ZFHX3: variants seen among roughly 807,000 people sequenced by gnomAD.
ZFHX3 encodes zinc finger homeobox 3, also known as zinc finger homeobox protein 3.
Under a neutral mutation model 279.1 loss-of-function variants are expected in ZFHX3, and 42 were observed. The observed-to-expected ratio is 0.15, with a 90% CI of 0.12 to 0.19. ZFHX3 has a LOEUF of 0.19. ZFHX3 is among the 10% of genes least tolerant of loss of function. The pLI is 1.00. For missense variants in ZFHX3, 4,981 were observed against 4,754.0 expected (o/e 1.05, Z -1.40); for synonymous variants, 2,293 against 1,957.8 (o/e 1.17, Z -4.52).
At chr16:73,514,909 C>G (rs1474656689) in intron 2 of ZFHX3, among the ~76,000 whole-genome samples, 1 of 152,248 alleles carries the variant, frequency 6.6e-6, no homozygotes. Context: ...CCCATCTTTT[C>G]CTCTCTCTCC....
At chr16:72,950,290 T>C (rs973816926) in intron 3 of ZFHX3, among the ~76,000 whole-genome samples, 179 bp downstream of exon 3, 1 of 152,094 alleles carries the variant, frequency 6.6e-6, no homozygotes, top group Non-Finnish European at 1.5e-5. Context: ...ACCTGTCACG[T>C]TTCCACCTGG....
At chr16:73,547,778 G>T (rs2020145401) in intron 2 of ZFHX3, among the ~76,000 whole-genome samples, 1 of 152,184 alleles carries the variant, frequency 6.6e-6, no homozygotes, top group African/African-American at 2.4e-5. Flanking sequence ...TCCCAGCTGT[G>T]CGCCTTCCTC....
At chr16:72,883,496 G>A (rs1266404583) in intron 4 of ZFHX3, among the ~76,000 whole-genome samples, 1 of 152,104 alleles carries the variant, frequency 6.6e-6, no homozygotes, top group African/African-American at 2.4e-5. Flanking sequence ...AACAGCCAGA[G>A]ACACCAGTCA....
intron 1 of ZFHX3, among the ~76,000 whole-genome samples, chr16:73,887,766 T>C (rs994835006): frequency 6.6e-6 from 1 of 152,202 alleles, no homozygotes; most frequent in Non-Finnish European, 1.5e-5. Flanking sequence ...TAAAGTATGT[T>C]GGGTAACTTA....
rs565955793 is a variant in ZFHX3, at chr16:73,447,659, A to T, written c.-1291+8344T>A. Among the ~76,000 whole-genome samples the T allele has an allele frequency of 2.0e-5, 3 of 152,328 alleles. No individual in the cohort carries two copies. In the South Asian group the frequency reaches 6.2e-4, roughly 32 times the overall value. On this transcript the variant is annotated intron_variant, in intron 3 of 17. Transcript: ENST00000641206. ...GAGCAACTCTTCCCACTAAAGACCCAATACAGACAACAGATAGAACACATT... is the reference window on the plus strand; with the variant it reads ...GAGCAACTCTTCCCACTAAAGACCCTATACAGACAACAGATAGAACACATT...
chr16:73,041,122 C>G (rs547915169), intron 1 of ZFHX3, among the ~76,000 whole-genome samples: 1 of 152,206 alleles, frequency 6.6e-6, no homozygotes, highest in Non-Finnish European at 1.5e-5. Context: ...CTCAGCCAGA[C>G]CCTGCCCTGT....
chr16:72,905,907 A>T (rs116583330), intron 3 of ZFHX3, among the ~76,000 whole-genome samples: 2,729 of 152,222 alleles, frequency 0.018, 77 homozygotes, highest in African/African-American at 0.062. Flanking sequence ...GTTGCCAGGG[A>T]CTGCTGCTGA....
intron 8 of ZFHX3, among the ~76,000 whole-genome samples, chr16:73,086,962 G>A (rs1451538352): frequency 1.3e-5 from 2 of 151,802 alleles, no homozygotes; most frequent in Non-Finnish European, 2.9e-5. Context: ...CAGAAGAGAA[G>A]AACTGGAATG....
At chr16:72,847,851 A>AAACT (rs1491106881) in intron 4 of ZFHX3, among the ~76,000 whole-genome samples, 3 of 152,118 alleles carry the variant, frequency 2.0e-5, no homozygotes, top group African/African-American at 7.2e-5. Context: ...GGCTTAAAGC[A>AAACT]AACGTTAATG....
At chr16:73,741,171 C>T (rs1359728742) in intron 1 of ZFHX3, among the ~76,000 whole-genome samples, 1 of 151,690 alleles carries the variant, frequency 6.6e-6, no homozygotes, top group Non-Finnish European at 1.5e-5. Context: ...GGTGGGATTA[C>T]AGGCGCCTGC....
At chr16:73,487,732 C>T (rs1271647557) in intron 2 of ZFHX3, 1 of 165,098 alleles carries the variant, frequency 6.1e-6, no homozygotes, top group Non-Finnish European at 1.3e-5. Context: ...TCCTCCCGCA[C>T]TAACTCTGGG....
chr16:73,241,942 T>C (rs912709706), intron 5 of ZFHX3, among the ~76,000 whole-genome samples: 19 of 152,144 alleles, frequency 1.2e-4, no homozygotes, highest in Non-Finnish European at 4.4e-5. Flanking sequence ...CTTTGAGAAC[T>C]GCTCTCTCTT....
At chr16:73,552,952 A>T (rs1011478989) in intron 2 of ZFHX3, among the ~76,000 whole-genome samples, 2 of 152,308 alleles carry the variant, frequency 1.3e-5, no homozygotes, top group South Asian at 4.1e-4. Context: ...TTTCATTCAC[A>T]TCCACAGTCT....
chr16:73,451,771 A>G (rs191213331), intron 3 of ZFHX3, among the ~76,000 whole-genome samples: 1 of 152,346 alleles, frequency 6.6e-6, no homozygotes, highest in African/African-American at 2.4e-5. Context: ...TTTTTAAAAA[A>G]CGGAACTAAA....
chr16:73,038,309 G>A (rs1964986970), intron 1 of ZFHX3, among the ~76,000 whole-genome samples: 2 of 152,348 alleles, frequency 1.3e-5, no homozygotes, highest in Admixed American at 1.3e-4. Flanking sequence ...CTTCCCTAGA[G>A]ATTAGAGACC....
intron 2 of ZFHX3, among the ~76,000 whole-genome samples, chr16:73,498,805 C>G (rs1298941095): frequency 6.6e-6 from 1 of 152,172 alleles, no homozygotes; most frequent in Non-Finnish European, 1.5e-5. Context: ...GGGGTTTAAC[C>G]TGGGGCAACT....
intron 2 of ZFHX3, among the ~76,000 whole-genome samples, chr16:73,545,582 T>A (rs1408789565): frequency 1.3e-5 from 2 of 152,112 alleles, no homozygotes; most frequent in Non-Finnish European, 2.9e-5. Flanking sequence ...AAAAGAAAAA[T>A]CGGAGCCCAG....
chr16:72,788,366 T>C lies in ZFHX3; in HGVS notation c.9910A>G (p.Thr3304Ala), dbSNP rs772969645. 5.6e-6 allele frequency: 9 copies of C among 1,614,190 alleles called. No individual in the cohort carries two copies. In the Admixed American group the frequency reaches 1.5e-4, roughly 27 times the overall value. The stretch of plus-strand genomic sequence containing the variant: ...ACAAAGTAAGGAAGGAACTGGCTTG[T>C]GAGCAATGCTGTGGGGTCCGAAGTC... Reference protein sequence around the residue: ...ALTSDPTALLTSQFLPYFVPG... With the variant: ...ALTSDPTALLASQFLPYFVPG... The change falls in exon 10 of 10, where the codon ACA becomes GCA. Residue 3304 changes from threonine (T) to alanine (A), a missense_variant. Thr to Ala is a moderately conservative substitution (Grantham distance 58). Transcript: ENST00000268489.
intron 2 of ZFHX3, among the ~76,000 whole-genome samples, chr16:73,678,336 G>A (rs1012209535): frequency 2.0e-5 from 3 of 152,018 alleles, no homozygotes; most frequent in African/African-American, 7.2e-5. Context: ...GAAGTGCATC[G>A]GATAATTTTT....
Sources: allele counts gnomAD v4.1 joint callset (sites outside exome capture counted in the v4.1 genomes callset), GRCh38; gene constraint gnomAD v4.1.1; transcripts MANE v1.5; gene names NCBI Gene and HGNC (gene_info 2026-07-23, HGNC 2026-07-21).